Variants in APBB1 observed in about 807,000 individuals in gnomAD.
APBB1 encodes the protein amyloid beta precursor protein binding family B member 1.
APBB1 carries 22 observed loss-of-function variants against 78.4 expected under a neutral mutation model. The observed-to-expected ratio is 0.28, with a 90% confidence interval of 0.20 to 0.40. The LOEUF (loss-of-function observed/expected upper bound fraction) is 0.40, where lower values mean the gene tolerates loss of function less well. Ranked by LOEUF, APBB1 falls within the 10% of genes least tolerant of loss-of-function variation. APBB1 has a pLI of 1.00. For missense variants in APBB1, 749 were observed against 932.4 expected (o/e 0.80, Z 2.56); for synonymous variants, 369 against 372.7 (o/e 0.99, Z 0.12).
chr11:6,410,686 T>G lies in APBB1; in HGVS notation c.662A>C (p.Asp221Ala). Residue 221 changes from aspartate (D) to alanine (A), a missense_variant, in exon 2 of 15, where the codon GAC (aspartate) becomes GCC (alanine). By Grantham distance (126) the Asp-to-Ala change is moderately radical (BLOSUM62 -2). Transcript: ENST00000609360. ...CTGGGATAAGGTAGCCCAGCTTGAGTCCTCATCACTGGCTGCACTGTTCCG... is the reference window on the plus strand; with the variant it reads ...CTGGGATAAGGTAGCCCAGCTTGAGGCCTCATCACTGGCTGCACTGTTCCG... ...GMRNSAASDEDSSWATLSQGS... is the reference protein window; with the variant it reads ...GMRNSAASDEASSWATLSQGS... The G allele has an allele frequency of 6.6e-7, 1 of 1,525,176 alleles. No individual in the cohort carries two copies. The highest frequency in any genetic ancestry group is 8.8e-7 in the Non-Finnish European group (1 of 1,136,916). The allele number at this position is 1,525,176 out of a possible 1,614,324, so 94.5% of individuals were successfully genotyped here.
intron 6 of APBB1, among the ~76,000 whole-genome samples, chr11:6,402,940 A>C (rs571960240): frequency 6.6e-6 from 1 of 151,902 alleles, no homozygotes; most frequent in South Asian, 2.1e-4. Context: ...CTAAGACTAC[A>C]AGGGCCCCCA....
intron 1 of APBB1, among the ~76,000 whole-genome samples, chr11:6,414,505 G>A (rs989950130): frequency 6.6e-5 from 10 of 152,198 alleles, no homozygotes; most frequent in East Asian, 1.9e-4. Context: ...ACGGATGAAC[G>A]GGACAGACAC....
At chr11:6,413,629 T>C (rs937943485) in intron 1 of APBB1, among the ~76,000 whole-genome samples, 19 of 151,306 alleles carry the variant, frequency 1.3e-4, no homozygotes, top group Non-Finnish European at 5.9e-5. Context: ...ATTTTTGTAA[T>C]TCTTTTTTTT....
At chr11:6,416,936 G>T (rs2134115487) in intron 1 of APBB1, among the ~76,000 whole-genome samples, 1 of 152,286 alleles carries the variant, frequency 6.6e-6, no homozygotes, top group East Asian at 1.9e-4. Context: ...TAGAGATGGG[G>T]TTTCGCCATG....
At chr11:6,402,364 G>T in intron 7 of APBB1, 155 bp from the exon 8 acceptor site, 1 of 1,184,930 alleles carries the variant, frequency 8.4e-7, no homozygotes, top group Non-Finnish European at 1.2e-6. Flanking sequence ...TGGAGGTCAC[G>T]TGTCATCTCT....
chr11:6,419,070 TC>T lies in APBB1; in HGVS notation c.-101del, dbSNP rs1849194310. ...CCGCCGCGGCTTCTCCATCACAACATCCCCCGCCCAGGAGCGCGCGGGCCGC... is the reference window on the plus strand; with the variant it reads ...CCGCCGCGGCTTCTCCATCACAACATCCCCGCCCAGGAGCGCGCGGGCCGC... On this transcript the variant is annotated 5_prime_UTR_variant, in exon 1 of 15. Coordinates refer to ENST00000609360, the MANE Select transcript of APBB1 (RefSeq NM_001164.5). The T allele has an allele frequency of 2.6e-6, 1 of 382,998 alleles. No individual in the cohort carries two copies. The highest frequency in any genetic ancestry group is 3.7e-5 in the East Asian group (1 of 26,748). The allele number at this position is 382,998 out of a possible 1,614,324, so 23.7% of individuals were successfully genotyped here. A position where few individuals can be genotyped will look rare whatever the true frequency, so the allele number is the denominator to read the frequency against.
intron 1 of APBB1, among the ~76,000 whole-genome samples, chr11:6,413,457 A>C (rs1399147526): frequency 6.6e-6 from 1 of 151,956 alleles, no homozygotes; most frequent in Non-Finnish European, 1.5e-5. Flanking sequence ...CTGTGTTCTC[A>C]GCGCTGAGCA....
At chr11:6,408,630 G>A (rs957589448) in intron 2 of APBB1, among the ~76,000 whole-genome samples, 3 of 151,646 alleles carry the variant, frequency 2.0e-5, no homozygotes, top group Admixed American at 6.6e-5. Context: ...TCAACCTCCC[G>A]AGTAGCTGGG....
In APBB1 at chr11:6,401,483, C is replaced by A. The variant is rs762416799; in HGVS notation, c.1504-54G>T. 6.2e-7 allele frequency: 1 copy of A among 1,612,288 alleles called. No homozygotes were observed. The highest frequency in any genetic ancestry group is 2.2e-5 in the East Asian group (1 of 44,828). ...GGGAGAATCTATTAGAGCCTCATTG[C>A]CCTGGGGCCCCCCTACAGCACTCAG... On this transcript the variant is annotated intron_variant, in intron 10 of 14. Coordinates refer to ENST00000609360, the MANE Select transcript of APBB1 (RefSeq NM_001164.5). This position sits in a 1 kb window ranked among gnomAD's most constrained non-coding sequence, Gnocchi z 4.5.
Position 6,411,108 on chromosome 11 carries a change from G to A in APBB1, c.240C>T (p.Ala80=), listed in dbSNP as rs767825784. 1.6e-5 allele frequency: 25 copies of A among 1,612,460 alleles called. No homozygotes were observed. The highest frequency in any genetic ancestry group is 4.4e-5 in the South Asian group (4 of 91,080). Residue 80 remains alanine, a synonymous_variant, in exon 2 of 15, where the codon GCC becomes GCT. Coordinates refer to ENST00000609360, the MANE Select transcript of APBB1 (RefSeq NM_001164.5). The surrounding 1 kb of genome is among the most constrained non-coding windows in gnomAD (Gnocchi z 5.2). ...GATTCTGGTCACGGTGGGCCGTGGC[G>A]GCCCGCCGGAGCTGGTTCTGGCCCT... ...LKEGQNQLRR[A]ATAHRDQNRN...
At chr11:6,400,766 C>T (rs1848459989) in intron 12 of APBB1, among the ~76,000 whole-genome samples, 1 of 152,160 alleles carries the variant, frequency 6.6e-6, no homozygotes. Flanking sequence ...TGGTTCAGCA[C>T]CACTCACGTG....
chr11:6,413,035 CCA>C (rs914727616), intron 1 of APBB1, among the ~76,000 whole-genome samples: 2 of 152,076 alleles, frequency 1.3e-5, no homozygotes, highest in Admixed American at 6.6e-5. Context: ...TCCATCCTCC[CCA>C]CTCTCCCTGA....
At chr11:6,402,829 G>A (rs1254197637) in intron 6 of APBB1, 104 bp from the exon 7 acceptor site, 5 of 1,424,034 alleles carry the variant, frequency 3.5e-6, no homozygotes, top group Admixed American at 3.9e-5. Flanking sequence ...GAACTAAGAC[G>A]GAGAAGCTCC....
chr11:6,396,219 G>C lies in APBB1; in HGVS notation c.1673-4C>G. The C allele has an allele frequency of 1.3e-6, 2 of 1,549,842 alleles. No homozygotes were observed. Among genetic ancestry groups the C allele is most frequent in the Non-Finnish European group, 1.7e-6 (2 of 1,145,946 alleles). On this transcript the variant is annotated splice_polypyrimidine_tract_variant and splice_region_variant and intron_variant, in intron 12 of 14. Coordinates refer to ENST00000609360, the MANE Select transcript of APBB1 (RefSeq NM_001164.5). ...GCCCCATTAATCACATCTACCCCTAGAACATATGGACACAAGATACCACTG... is the reference window on the plus strand; with the variant it reads ...GCCCCATTAATCACATCTACCCCTACAACATATGGACACAAGATACCACTG...
At position 6,403,172 on chromosome 11, in the gene APBB1, G is replaced by A; in HGVS notation, c.1077C>T (p.Pro359=). ...EPLPQEEEKL[P]PRNTNPGIKC... The stretch of plus-strand genomic sequence containing the variant: ...TGATCCCTGGGTTGGTATTCCGTGG[G>A]GGAAGCTTCTCCTCCTCTTGGGGCA... Residue 359 remains proline, a synonymous_variant, in exon 6 of 15, where the codon CCC becomes CCT. Transcript: ENST00000609360. The surrounding 1 kb of genome is among the most constrained non-coding windows in gnomAD (Gnocchi z 5.3). The A allele has an allele frequency of 6.2e-7, 1 of 1,613,340 alleles. No individual in the cohort carries two copies. The highest frequency in any genetic ancestry group is 8.5e-7 in the Non-Finnish European group (1 of 1,179,714).
chr11:6,418,766 A>G (rs1849183855), intron 1 of APBB1, among the ~76,000 whole-genome samples: 1 of 152,078 alleles, frequency 6.6e-6, no homozygotes. Flanking sequence ...CAGGAGGTAA[A>G]GGGCAGCGGA....
At chr11:6,410,500 C>T in intron 2 of APBB1, 127 bp downstream of exon 2, 1 of 742,006 alleles carries the variant, frequency 1.3e-6, no homozygotes, top group South Asian at 3.3e-5. Context: ...AAAGCCTGGA[C>T]ATGGCCTGCT....
chr11:6,402,651 T>G lies in APBB1; in HGVS notation c.1179A>C (p.Ala393=), dbSNP rs1299411028. ...EELAPGRSSV[A]VNNCIRQLSY... ...AGAGCTGACGGATGCAATTGTTGACTGCCACACTGCTGCGTCCAGGGGCCA... is the reference window on the plus strand; with the variant it reads ...AGAGCTGACGGATGCAATTGTTGACGGCCACACTGCTGCGTCCAGGGGCCA... Residue 393 remains alanine (A), a synonymous_variant, in exon 7 of 15, where the codon GCA becomes GCC. Coordinates refer to ENST00000609360, the MANE Select transcript of APBB1 (RefSeq NM_001164.5). 1.2e-5 allele frequency: 19 copies of G among 1,614,056 alleles called. No homozygotes were observed. The highest frequency in any genetic ancestry group is 1.4e-5 in the Non-Finnish European group (17 of 1,180,042).
Position 6,403,964 on chromosome 11 carries a change from G to T in APBB1, c.722-142C>A. 1 of 926,866 alleles carries T rather than the reference G, an allele frequency of 1.1e-6. No homozygotes were observed. The highest frequency in any genetic ancestry group is 1.6e-6 in the Non-Finnish European group (1 of 643,572). 57.4% of individuals were successfully genotyped at this position (926,866 alleles called of 1,614,324 possible). A position where few individuals can be genotyped will look rare whatever the true frequency, so the allele number is the denominator to read the frequency against. On this transcript the variant is annotated intron_variant, in intron 2 of 14. Transcript: ENST00000609360. The surrounding 1 kb of genome is among the most constrained non-coding windows in gnomAD (Gnocchi z 5.3). ...ACAACACAGTTCCTGCTTCTGCCTAGAGCCTATAGTCTGGAGTCACCACAT... is the reference window on the plus strand; with the variant it reads ...ACAACACAGTTCCTGCTTCTGCCTATAGCCTATAGTCTGGAGTCACCACAT...
Sources: allele counts gnomAD v4.1 joint callset (sites outside exome capture counted in the v4.1 genomes callset), GRCh38; gene constraint gnomAD v4.1.1; non-coding constraint Gnocchi (gnomAD v3.1); transcripts MANE v1.5; gene names NCBI Gene and HGNC (gene_info 2026-07-23, HGNC 2026-07-21).